ZSCAN18: variants seen among roughly 807,000 people sequenced by gnomAD.
The protein encoded by ZSCAN18 is zinc finger and SCAN domain containing 18, also known as zinc finger and SCAN domain-containing protein 18.
A neutral mutation model predicts 31.1 loss-of-function variants in ZSCAN18; 16 were observed. The ratio of observed to expected loss-of-function variants is 0.51; its 90% CI spans 0.35 to 0.78. The LOEUF is 0.78. ZSCAN18 is among the 30% of genes least tolerant of loss of function. The pLI is 0.01. For missense variants in ZSCAN18, 731 were observed against 697.4 expected (o/e 1.05, Z -0.54); for synonymous variants, 375 against 320.7 (o/e 1.17, Z -1.81).
chr19:58,107,727 G>C, intron 1 of ZSCAN18: 1 of 989,732 alleles, frequency 1.0e-6, no homozygotes, highest in Non-Finnish European at 1.2e-6. Context: ...AATCAGATCA[G>C]TCACTGCCAC....
chr19:58,099,719 ATGTG>A (rs934787331), upstream of ZSCAN18, among the ~76,000 whole-genome samples: 5 of 152,120 alleles, frequency 3.3e-5, no homozygotes, highest in African/African-American at 1.2e-4. Flanking sequence ...CCACCAATGA[ATGTG>A]TGAATCCACT....
At position 58,107,843 on chromosome 19, in the gene ZSCAN18, C is replaced by A. The variant is rs1012379528; in HGVS notation, c.130+10424G>T. 1.4e-5 allele frequency: 14 copies of A among 1,023,366 alleles called. No homozygotes were observed. The Admixed American group carries it at 7.2e-4, about 53-fold the overall frequency. The allele number at this position is 1,023,366 out of a possible 1,614,324, so 63.4% of individuals were successfully genotyped here. A position where few individuals can be genotyped will look rare whatever the true frequency, so the allele number is the denominator to read the frequency against. ...CTTTCCCACACTAGACACACTGGCACAAGGTCGCCTGAGCATGTACCTTCT... is the reference window on the plus strand; with the variant it reads ...CTTTCCCACACTAGACACACTGGCAAAAGGTCGCCTGAGCATGTACCTTCT... On this transcript the variant is annotated intron_variant, in intron 1 of 1. Coordinates refer to the ZSCAN18 transcript ENST00000595721.
chr19:58,092,134 T>C (rs1219874901), intron 1 of ZSCAN18, among the ~76,000 whole-genome samples: 1 of 152,176 alleles, frequency 6.6e-6, no homozygotes, highest in African/African-American at 2.4e-5. Flanking sequence ...GAGGGACTGC[T>C]AATGGGTACA....
chr19:58,088,794 G>A lies in ZSCAN18; in HGVS notation c.447C>T (p.Ser149=), dbSNP rs767710805. ...CCATGTGCCTCTCGTACACTCCATC[G>A]CTAAGAATTGAGGATGAGCCCGCAG... The part of the protein sequence containing the change: ...GSPAGSSSIL[S]DGVYERHMDP... Residue 149 remains serine, a synonymous_variant, in exon 3 of 7, where the codon AGC becomes AGT. Coordinates refer to ENST00000601144, the MANE Select transcript of ZSCAN18 (RefSeq NM_001145543.2). The A allele has an allele frequency of 4.4e-5, 71 of 1,612,606 alleles. No homozygotes were observed. Among genetic ancestry groups the A allele is most frequent in the Admixed American group, 3.0e-4 (18 of 59,996 alleles).
intron 1 of ZSCAN18, among the ~76,000 whole-genome samples, chr19:58,112,723 G>GA (rs1196941284): frequency 6.6e-6 from 1 of 151,878 alleles, no homozygotes; most frequent in Non-Finnish European, 1.5e-5. Context: ...GCCGAGGGGG[G>GA]CAGATCACCT....
chr19:58,091,393 C>T (rs1162886101), intron 1 of ZSCAN18, among the ~76,000 whole-genome samples: 2 of 151,962 alleles, frequency 1.3e-5, no homozygotes, highest in African/African-American at 2.4e-5. Flanking sequence ...TAGAAAAAAG[C>T]GTAGGGAGCG....
intron 1 of ZSCAN18, among the ~76,000 whole-genome samples, chr19:58,105,002 C>G (rs554809265): frequency 4.3e-4 from 65 of 152,340 alleles, no homozygotes; most frequent in African/African-American, 1.4e-3. Flanking sequence ...CTTTAAAGAA[C>G]AGGCCGACTC....
Position 58,086,972 on chromosome 19 carries a change from C to T in ZSCAN18, c.679G>A (p.Gly227Arg). ...GCAGGGTCCAGGTGGCCCCACTCCC[C>T]CAGGTGCTGAGGGTCCTCTGGAAAG... ...KSFPEDPQHLGEWGHLDPAEE... is the reference protein window; with the variant it reads ...KSFPEDPQHLREWGHLDPAEE... The change falls in exon 5 of 7, where the codon GGG becomes AGG. Residue 227 changes from glycine to arginine, a missense_variant. Physicochemically the swap from Gly to Arg is moderately radical, Grantham distance 125 (BLOSUM62 -2). This residue lies in a region of ZSCAN18 where 597 missense variants were observed against 499.5 expected (regional missense o/e 1.20). Transcript: ENST00000601144. The T allele has an allele frequency of 6.2e-7, 1 of 1,613,928 alleles. No homozygotes were observed. Among genetic ancestry groups the T allele is most frequent in the Non-Finnish European group, 8.5e-7 (1 of 1,179,962 alleles).
intron 1 of ZSCAN18, among the ~76,000 whole-genome samples, chr19:58,105,601 C>G (rs1488098553): frequency 6.6e-6 from 1 of 152,218 alleles, no homozygotes; most frequent in East Asian, 1.9e-4. Flanking sequence ...GCAGAGCTTG[C>G]AGTGAGCAGA....
At chr19:58,104,994 T>TTAAA (rs1186225371) in intron 1 of ZSCAN18, among the ~76,000 whole-genome samples, 4 of 152,200 alleles carry the variant, frequency 2.6e-5, no homozygotes, top group African/African-American at 7.2e-5. Flanking sequence ...CTTCAAAGCT[T>TTAAA]TAAAGAACAG....
chr19:58,104,898 C>T (rs866759758), intron 1 of ZSCAN18, among the ~76,000 whole-genome samples: 67 of 152,246 alleles, frequency 4.4e-4, no homozygotes, highest in Admixed American at 1.7e-3. Flanking sequence ...CTACAGTAGA[C>T]AACAGTTTAA....
intron 1 of ZSCAN18, among the ~76,000 whole-genome samples, chr19:58,117,134 A>C (rs1414555202): frequency 6.6e-6 from 1 of 152,192 alleles, no homozygotes; most frequent in South Asian, 2.1e-4. Flanking sequence ...AATATCTTAA[A>C]GGTTAAGCCA....
upstream of ZSCAN18, among the ~76,000 whole-genome samples, chr19:58,100,984 C>A (rs2074588504): frequency 6.6e-6 from 1 of 152,152 alleles, no homozygotes; most frequent in Non-Finnish European, 1.5e-5. Flanking sequence ...AGCTTTTGCT[C>A]CTTAAAAAAT....
intron 1 of ZSCAN18, chr19:58,118,157 C>A: frequency 4.2e-6 from 2 of 476,534 alleles, no homozygotes; most frequent in Non-Finnish European, 7.2e-6. Context: ...CAAGCCAGCG[C>A]CCCTAACAAG....
intron 6 of ZSCAN18, chr19:58,085,608 A>G (rs1251966338): frequency 1.1e-5 from 6 of 534,844 alleles, no homozygotes; most frequent in Admixed American, 3.7e-5. Context: ...AACGGAGGCC[A>G]CCGACAGGAC....
At chr19:58,112,425 C>T (rs1287664965) in intron 1 of ZSCAN18, among the ~76,000 whole-genome samples, 20 of 151,844 alleles carry the variant, frequency 1.3e-4, no homozygotes, top group Non-Finnish European at 1.0e-4. Context: ...CCGAGGTGGG[C>T]GTATCACGAG....
intron 1 of ZSCAN18, among the ~76,000 whole-genome samples, chr19:58,109,737 T>G (rs2554984): frequency 0.74 from 112,032 of 152,056 alleles, 42,525 homozygotes; most frequent in Non-Finnish European, 0.84. Flanking sequence ...TTTTTTAGCA[T>G]GTATACTTCC....
intron 1 of ZSCAN18, among the ~76,000 whole-genome samples, chr19:58,103,700 T>A (rs763776160): frequency 6.6e-6 from 1 of 152,188 alleles, no homozygotes; most frequent in Non-Finnish European, 1.5e-5. Flanking sequence ...GGCCAGTTAA[T>A]AACCCTACAA....
At chr19:58,089,239 C>G (rs1337596118) in intron 2 of ZSCAN18, among the ~76,000 whole-genome samples, 4 of 109,530 alleles carry the variant, frequency 3.7e-5, no homozygotes, top group Non-Finnish European at 5.4e-5. Flanking sequence ...GGAGGCGGAG[C>G]TTGCAGTGAG....
Sources: allele counts gnomAD v4.1 joint callset (sites outside exome capture counted in the v4.1 genomes callset), GRCh38; gene constraint gnomAD v4.1.1; regional missense constraint gnomAD v4.1.1; transcripts MANE v1.5; gene names NCBI Gene and HGNC (gene_info 2026-07-23, HGNC 2026-07-21).